The following PTCHD4 variants were observed in gnomAD, a reference collection of about 807,000 sequenced individuals.
PTCHD4 encodes the protein patched domain containing 4.
Under a neutral mutation model 58.1 loss-of-function variants are expected in PTCHD4, and 33 were observed. The observed-to-expected ratio is 0.57, with a 90% CI of 0.43 to 0.76. The LOEUF is 0.76. Among genes scored for constraint, PTCHD4 ranks in the 30% least tolerant of loss-of-function variants. PTCHD4 has a pLI of 0.00. For missense variants in PTCHD4, 1,058 were observed against 1,027.1 expected (o/e 1.03, Z -0.41); for synonymous variants, 478 against 409.6 (o/e 1.17, Z -2.02).
At chr6:47,895,642 A>T (rs1383933640) in intron 4 of PTCHD4, among the ~76,000 whole-genome samples, 1 of 152,330 alleles carries the variant, frequency 6.6e-6, no homozygotes, top group Non-Finnish European at 1.5e-5. Flanking sequence ...TCTCTAACAT[A>T]TGTATCCTCC....
At chr6:48,066,401 A>G (rs533285105) in intron 3 of PTCHD4, among the ~76,000 whole-genome samples, 33 of 152,196 alleles carry the variant, frequency 2.2e-4, no homozygotes, top group Non-Finnish European at 4.1e-4. Context: ...GGACCCAACC[A>G]ATAATGCATA....
chr6:48,058,466 A>T (rs1291477788), intron 3 of PTCHD4, among the ~76,000 whole-genome samples: 1 of 152,242 alleles, frequency 6.6e-6, no homozygotes, highest in East Asian at 1.9e-4. Context: ...AGTTAATGGT[A>T]GCATAGAGAT....
At chr6:48,040,867 C>A (rs1321038244) in intron 3 of PTCHD4, among the ~76,000 whole-genome samples, 1 of 151,976 alleles carries the variant, frequency 6.6e-6, no homozygotes, top group Non-Finnish European at 1.5e-5. Flanking sequence ...CATCACACTG[C>A]CTCAGTGCAG....
intron 4 of PTCHD4, among the ~76,000 whole-genome samples, chr6:47,995,419 A>G (rs895448391): frequency 6.6e-6 from 1 of 152,238 alleles, no homozygotes; most frequent in Admixed American, 6.5e-5. Context: ...TCTTCTGAAT[A>G]ATAACTGGTC....
intron 4 of PTCHD4, among the ~76,000 whole-genome samples, chr6:47,998,531 T>G (rs1720437841): frequency 1.3e-5 from 2 of 152,136 alleles, no homozygotes; most frequent in African/African-American, 4.8e-5. Context: ...TTCCTAAACT[T>G]CAGTAACCAC....
intron 3 of PTCHD4, among the ~76,000 whole-genome samples, chr6:48,033,494 C>T (rs1763523294): frequency 6.6e-6 from 1 of 151,462 alleles, no homozygotes; most frequent in Admixed American, 6.6e-5. Context: ...CCGGCCTTCC[C>T]CTTTTTTCCT....
Position 47,879,442 on chromosome 6 carries a change from C to T in PTCHD4, c.1393G>A (p.Val465Ile), listed in dbSNP as rs758042146. ...ITNIYVKPFV[V>I]ILYLIYASFS... is the part of the protein sequence containing the mutation. ...GAGGCATAAATGAGATAGAGGATGA[C>T]AACAAATGGCTTCACATATATATTG... Residue 465 changes from valine to isoleucine, a missense_variant, in exon 5 of 5, where the codon GTC becomes ATC. Transcript: ENST00000339488. The T allele has an allele frequency of 2.0e-5, 33 of 1,613,468 alleles. No homozygotes were observed. The highest frequency in any genetic ancestry group is 1.3e-4 in the South Asian group (12 of 91,072).
chr6:48,050,871 C>T (rs534598986), intron 3 of PTCHD4, among the ~76,000 whole-genome samples: 1 of 151,996 alleles, frequency 6.6e-6, no homozygotes, highest in Non-Finnish European at 1.5e-5. Flanking sequence ...TGTCATAGGA[C>T]AGTCAGATAA....
intron 1 of PTCHD4, among the ~76,000 whole-genome samples, chr6:48,091,083 A>G (rs1408189206): frequency 6.6e-6 from 1 of 152,152 alleles, no homozygotes; most frequent in Non-Finnish European, 1.5e-5. Context: ...AGCAAGGTAA[A>G]CCTTGGCAAA....
intron 4 of PTCHD4, chr6:47,900,824 A>G (rs561647857): frequency 1.3e-5 from 2 of 152,178 alleles, no homozygotes; most frequent in Non-Finnish European, 2.9e-5. Context: ...TATGTTAATG[A>G]TTTTCAAATG....
At chr6:48,007,530 C>A (rs1166982281) in intron 4 of PTCHD4, among the ~76,000 whole-genome samples, 1 of 152,174 alleles carries the variant, frequency 6.6e-6, no homozygotes, top group Non-Finnish European at 1.5e-5. Flanking sequence ...AATGAAAACA[C>A]TTCTCTGGCT....
At chr6:47,928,157 C>T (rs1765688882) in intron 4 of PTCHD4, among the ~76,000 whole-genome samples, 1 of 152,118 alleles carries the variant, frequency 6.6e-6, no homozygotes, top group Non-Finnish European at 1.5e-5. Flanking sequence ...AAGCTCACAC[C>T]TCCTTGAAGA....
rs147375382 is a variant in PTCHD4 at position 47,891,460 on chromosome 6, C to A, written c.899-11524G>T. 8.5e-4 allele frequency among the ~76,000 whole-genome samples: 130 copies of A among 152,072 alleles called. 2 individuals carry two copies. The East Asian group carries it at 0.018, about 22-fold the overall frequency. On this transcript the variant is annotated intron_variant, in intron 4 of 4. Coordinates refer to ENST00000339488, the MANE Select transcript of PTCHD4 (RefSeq NM_001384253.1). Reference sequence around the variant, plus strand: ...ATCAGAACCAAATCTGAAAAAAACACAAACATTGCCCAAAACGTAAAATGG... The same window carrying A: ...ATCAGAACCAAATCTGAAAAAAACAAAAACATTGCCCAAAACGTAAAATGG...
intron 4 of PTCHD4, among the ~76,000 whole-genome samples, chr6:47,884,626 A>G (rs1238864169): frequency 6.6e-6 from 1 of 152,172 alleles, no homozygotes; most frequent in African/African-American, 2.4e-5. Flanking sequence ...CTGTTCTTTG[A>G]GTCTGTCCCA....
rs1402104075 is a variant in PTCHD4, at chr6:48,069,543, C to T, written c.-586G>A. On this transcript the variant is annotated 5_prime_UTR_variant, in exon 2 of 5. An upstream open reading frame in the 5' UTR gains an earlier in-frame stop. Transcript: ENST00000339488. ...ACCTTCCTCGCTGTGATTCCACAGA[C>T]CAGTCCGCTGCAGCTGAGGGCTGCG... Among the ~76,000 whole-genome samples, 2 of 152,208 alleles carry T rather than the reference C, an allele frequency of 1.3e-5. No homozygotes were observed. Among genetic ancestry groups the T allele is most frequent in the Non-Finnish European group, 2.9e-5 (2 of 68,038 alleles).
intron 4 of PTCHD4, among the ~76,000 whole-genome samples, chr6:48,002,277 G>A (rs1302084604): frequency 1.3e-5 from 2 of 152,116 alleles, no homozygotes; most frequent in African/African-American, 2.4e-5. Context: ...ACCCAAAGGA[G>A]TATAAATCAT....
intron 3 of PTCHD4, among the ~76,000 whole-genome samples, chr6:48,017,661 A>G (rs1262563676): frequency 1.3e-5 from 2 of 152,204 alleles, no homozygotes; most frequent in African/African-American, 2.4e-5. Flanking sequence ...AAGAAGTGCT[A>G]TACTGGAGTA....
intron 4 of PTCHD4, among the ~76,000 whole-genome samples, chr6:47,890,372 T>C (rs1450868453): frequency 6.6e-6 from 1 of 152,082 alleles, no homozygotes; most frequent in Non-Finnish European, 1.5e-5. Context: ...TTGTAGTTAG[T>C]AGCAAATTCC....
At chr6:48,004,929 A>G (rs1377017518) in intron 4 of PTCHD4, among the ~76,000 whole-genome samples, 2 of 152,188 alleles carry the variant, frequency 1.3e-5, no homozygotes, top group Non-Finnish European at 2.9e-5. Flanking sequence ...AAGAAAAAAA[A>G]AATTATTAGA....
Sources: gnomAD v4.1 joint callset for allele counts (sites outside exome capture counted in the v4.1 genomes callset) on GRCh38, gnomAD v4.1.1 for gene constraint, MANE v1.5 for transcripts, NCBI Gene and HGNC (gene_info 2026-07-23, HGNC 2026-07-21) for gene names.